Variants in NT5DC1 observed in about 807,000 individuals in gnomAD.
NT5DC1 encodes the protein 5'-nucleotidase domain containing 1, also known as 5'-nucleotidase domain-containing protein 1.
Under a neutral mutation model 59.4 loss-of-function variants are expected in NT5DC1, and 42 were observed. The ratio of observed to expected loss-of-function variants is 0.71; its 90% CI spans 0.55 to 0.92. NT5DC1 has a LOEUF of 0.92. Ranked by LOEUF, NT5DC1 falls within the 40% of genes least tolerant of loss-of-function variation. NT5DC1 has a pLI of 0.00. For missense variants in NT5DC1, 501 were observed against 537.1 expected (o/e 0.93, Z 0.66); for synonymous variants, 172 against 188.1 (o/e 0.91, Z 0.70).
At chr6:116,213,037 G>A (rs1328741999) in intron 6 of NT5DC1, among the ~76,000 whole-genome samples, 2 of 152,020 alleles carry the variant, frequency 1.3e-5, no homozygotes, top group Non-Finnish European at 2.9e-5. Flanking sequence ...ATTTTATCTT[G>A]AATTGCATAG....
At chr6:116,178,831 G>A (rs1381305898) in intron 6 of NT5DC1, among the ~76,000 whole-genome samples, 9 of 152,160 alleles carry the variant, frequency 5.9e-5, no homozygotes, top group Non-Finnish European at 1.3e-4. Flanking sequence ...CCAACTCCCA[G>A]TAAATTTGCA....
intron 8 of NT5DC1, among the ~76,000 whole-genome samples, chr6:116,223,432 A>G (rs1326781305): frequency 6.6e-6 from 1 of 152,262 alleles, no homozygotes; most frequent in Non-Finnish European, 1.5e-5. Flanking sequence ...CAGTCAAGTT[A>G]TCTTCTAGAA....
At chr6:116,196,191 T>C (rs977740369) in intron 6 of NT5DC1, among the ~76,000 whole-genome samples, 5 of 152,052 alleles carry the variant, frequency 3.3e-5, no homozygotes, top group Admixed American at 3.3e-4. Flanking sequence ...TCTAACTTCC[T>C]TGATGACTTA....
At chr6:116,127,557 T>G (rs575367866) in intron 6 of NT5DC1, among the ~76,000 whole-genome samples, 2 of 152,316 alleles carry the variant, frequency 1.3e-5, no homozygotes, top group South Asian at 2.1e-4. Context: ...CTCTGCTACA[T>G]CTGTAGGAGA....
At chr6:116,185,426 T>G (rs1780975044) in intron 6 of NT5DC1, among the ~76,000 whole-genome samples, 1 of 152,160 alleles carries the variant, frequency 6.6e-6, no homozygotes. Context: ...GTTGTCTTTC[T>G]GTCTTGATGG....
At position 116,135,411 on chromosome 6, in the gene NT5DC1, G is replaced by GC. The variant is rs200573830; in HGVS notation, c.529+17474dup. Among the ~76,000 whole-genome samples, 871 of 150,150 alleles carry GC rather than the reference G, an allele frequency of 5.8e-3. 11 individuals are homozygous for GC. Among genetic ancestry groups the GC allele is most frequent in the Middle Eastern group, 0.017 (5 of 288 alleles). ...TTTTTTTTCTGTAGCATCCATAACCGCCCCCCCCACCTTTTTATTTAACAA... is the reference window on the plus strand; with the variant it reads ...TTTTTTTTCTGTAGCATCCATAACCGCCCCCCCCCACCTTTTTATTTAACAA... On this transcript the variant is annotated intron_variant, in intron 6 of 11. Coordinates refer to ENST00000319550, the MANE Select transcript of NT5DC1 (RefSeq NM_152729.3).
At chr6:116,166,938 GC>G (rs1206299148) in intron 6 of NT5DC1, among the ~76,000 whole-genome samples, 1 of 152,048 alleles carries the variant, frequency 6.6e-6, no homozygotes, top group Non-Finnish European at 1.5e-5. Context: ...GAAGTATCTT[GC>G]CTTCCTTTCT....
At chr6:116,216,636 A>T (rs942627067) in intron 6 of NT5DC1, among the ~76,000 whole-genome samples, 3 of 151,828 alleles carry the variant, frequency 2.0e-5, no homozygotes, top group African/African-American at 7.2e-5. Flanking sequence ...GATATTCTAG[A>T]TTTATTTATT....
At chr6:116,227,644 A>G (rs950839015) in intron 8 of NT5DC1, among the ~76,000 whole-genome samples, 29 of 151,962 alleles carry the variant, frequency 1.9e-4, no homozygotes, top group Admixed American at 1.5e-3. Context: ...TGTCTTTTTG[A>G]TAACAGCCAT....
chr6:116,224,997 AAC>A (rs1209585290), intron 8 of NT5DC1, among the ~76,000 whole-genome samples: 1 of 152,182 alleles, frequency 6.6e-6, no homozygotes, highest in African/African-American at 2.4e-5. Context: ...GGAGTTGGAA[AAC>A]ACAGAGGGCT....
rs560108874 is a variant in NT5DC1 at position 116,201,685 on chromosome 6, T to C, written c.530-19369T>C. Among the ~76,000 whole-genome samples, 3 of 152,136 alleles carry C rather than the reference T, an allele frequency of 2.0e-5. No individual in the cohort carries two copies. The South Asian group carries it at 6.2e-4, about 31-fold the overall frequency. On this transcript the variant is annotated intron_variant, in intron 6 of 11. Coordinates refer to ENST00000319550, the MANE Select transcript of NT5DC1 (RefSeq NM_152729.3). ...CACCCATGAAGTCGGGAAGGTAATA[T>C]GTGGCCACTTCTGACATGTGAGGTC... is the stretch of plus-strand genomic sequence containing the variant.
At chr6:116,240,015 G>A (rs188177551) in intron 11 of NT5DC1, among the ~76,000 whole-genome samples, 6 of 152,228 alleles carry the variant, frequency 3.9e-5, no homozygotes, top group Admixed American at 2.0e-4. Context: ...ATTTAACAGC[G>A]AATTAGACAC....
chr6:116,159,984 A>G (rs1410339684), intron 6 of NT5DC1, among the ~76,000 whole-genome samples: 2 of 152,188 alleles, frequency 1.3e-5, no homozygotes, highest in African/African-American at 4.8e-5. Context: ...CACAGTGTAT[A>G]CATACCACAT....
At chr6:116,121,194 C>G (rs1368764774) in intron 6 of NT5DC1, 4 of 1,613,408 alleles carry the variant, frequency 2.5e-6, no homozygotes, top group African/African-American at 2.7e-5. Flanking sequence ...CCTCTTTCTC[C>G]CTTCAGGCCT....
At chr6:116,234,459 CCT>C (rs1241298137) in intron 8 of NT5DC1, among the ~76,000 whole-genome samples, 1 of 151,844 alleles carries the variant, frequency 6.6e-6, no homozygotes, top group Non-Finnish European at 1.5e-5. Context: ...CCCACCTCAG[CCT>C]CTCAAGTAGC....
intron 6 of NT5DC1, among the ~76,000 whole-genome samples, chr6:116,201,259 T>C (rs1236865662): frequency 6.6e-6 from 1 of 152,082 alleles, no homozygotes; most frequent in East Asian, 1.9e-4. Flanking sequence ...CTCTTGCCTT[T>C]TTGGCTGTAG....
chr6:116,218,112 G>A (rs1031362268), intron 6 of NT5DC1, among the ~76,000 whole-genome samples: 1 of 152,082 alleles, frequency 6.6e-6, no homozygotes, highest in Non-Finnish European at 1.5e-5. Flanking sequence ...TGACTTCAGA[G>A]AATAATTTTA....
At position 116,238,958 on chromosome 6, in the gene NT5DC1, C is replaced by T. The variant is rs766670688; in HGVS notation, c.1087C>T (p.Pro363Ser). The T allele has an allele frequency of 1.3e-6, 2 of 1,585,870 alleles. No individual in the cohort carries two copies. The highest frequency in any genetic ancestry group is 2.2e-5 in the South Asian group (2 of 89,796). The change falls in exon 11 of 12, where the codon CCA (proline) becomes TCA (serine). Residue 363 changes from proline to serine, a missense_variant. Coordinates refer to ENST00000319550, the MANE Select transcript of NT5DC1 (RefSeq NM_152729.3). ...PLEKKGKYEG[P>S]KAKPLNTSSK... ...TTATTCTGTTCTCTTGTTTCAGGGA[C>T]CAAAAGCAAAACCTTTAAATACTTC...
At chr6:116,108,067 G>A (rs1010733040) in intron 2 of NT5DC1, among the ~76,000 whole-genome samples, 2 of 152,104 alleles carry the variant, frequency 1.3e-5, no homozygotes, top group African/African-American at 4.8e-5. Context: ...ATGGGATGAT[G>A]TTCAGGTTCT....
Sources: allele counts gnomAD v4.1 joint callset (sites outside exome capture counted in the v4.1 genomes callset), GRCh38; gene constraint gnomAD v4.1.1; transcripts MANE v1.5; gene names NCBI Gene and HGNC (gene_info 2026-07-23, HGNC 2026-07-21).